Variants in KLHL14 observed in about 807,000 individuals in gnomAD.
KLHL14 encodes kelch-like protein 14.
A neutral mutation model predicts 64.3 loss-of-function variants in KLHL14; 22 were observed. The ratio of observed to expected loss-of-function variants is 0.34; its 90% CI spans 0.24 to 0.49. The LOEUF is 0.49. Ranked by LOEUF, KLHL14 falls within the 20% of genes least tolerant of loss-of-function variation. The probability of loss-of-function intolerance (pLI) is 0.99; values close to 1 mark genes in which losing one functional copy is unlikely to be tolerated. For synonymous variants in KLHL14, 322 were observed against 333.4 expected (o/e 0.97, Z 0.37); for missense variants, 661 against 789.0 (o/e 0.84, Z 1.94).
At chr18:32,765,128 T>C (rs1229811843) in intron 2 of KLHL14, among the ~76,000 whole-genome samples, 1 of 152,186 alleles carries the variant, frequency 6.6e-6, no homozygotes, top group Non-Finnish European at 1.5e-5. Context: ...TTTATCTATA[T>C]GAGGCTAATG....
intron 4 of KLHL14, among the ~76,000 whole-genome samples, chr18:32,691,483 G>T (rs1568065877): frequency 1.3e-5 from 2 of 152,128 alleles, no homozygotes; most frequent in Non-Finnish European, 2.9e-5. Flanking sequence ...GTTCAAGGCA[G>T]CAGTAAGCTA....
chr18:32,756,987 A>G (rs78131974), intron 2 of KLHL14, among the ~76,000 whole-genome samples: 1,905 of 152,338 alleles, frequency 0.013, 48 homozygotes, highest in African/African-American at 0.044. Flanking sequence ...CCTGAAATAT[A>G]AAGAAACCCA....
intron 2 of KLHL14, among the ~76,000 whole-genome samples, chr18:32,757,400 T>C (rs2050287543): frequency 6.6e-6 from 1 of 152,218 alleles, no homozygotes; most frequent in African/African-American, 2.4e-5. Flanking sequence ...TGGTGATATG[T>C]GTGGTGAAGC....
chr18:32,712,244 T>C (rs1482853081), intron 3 of KLHL14, among the ~76,000 whole-genome samples: 1 of 152,232 alleles, frequency 6.6e-6, no homozygotes, highest in African/African-American at 2.4e-5. Context: ...AATGACTATT[T>C]CACATTTGTT....
At chr18:32,675,029 A>C (rs1342327628) in intron 8 of KLHL14, among the ~76,000 whole-genome samples, 1 of 152,148 alleles carries the variant, frequency 6.6e-6, no homozygotes, top group Non-Finnish European at 1.5e-5. Context: ...ATAAAAGTTA[A>C]ATAAATACCT....
chr18:32,695,364 A>G lies in KLHL14; in HGVS notation c.1159+99T>C, dbSNP rs2049931515. Reference sequence around the variant, plus strand: ...ACTTCATTTGTCCCCGTTGCACAGAAATGTATTTTCCACACTAATTACAAA... The same window carrying G: ...ACTTCATTTGTCCCCGTTGCACAGAGATGTATTTTCCACACTAATTACAAA... On this transcript the variant is annotated intron_variant, in intron 4 of 8. Coordinates refer to ENST00000359358, the MANE Select transcript of KLHL14 (RefSeq NM_020805.3). 3.9e-6 allele frequency: 3 copies of G among 765,988 alleles called. No individual in the cohort carries two copies. The Admixed American group carries it at 6.1e-5, about 16-fold the overall frequency. The allele number at this position is 765,988 out of a possible 1,614,324, so 47.4% of individuals were successfully genotyped here.
At position 32,772,930 on chromosome 18, in the gene KLHL14, GA is replaced by G. The variant is rs1424087060; in HGVS notation, c.-308del. 1 of 165,496 alleles carries G rather than the reference GA, an allele frequency of 6.0e-6. No homozygotes were observed. The highest frequency in any genetic ancestry group is 2.4e-5 in the African/African-American group (1 of 41,874). 10.3% of individuals were successfully genotyped at this position (165,496 alleles called of 1,614,324 possible). On this transcript the variant is annotated 5_prime_UTR_variant, in exon 1 of 9. Coordinates refer to ENST00000359358, the MANE Select transcript of KLHL14 (RefSeq NM_020805.3). ...GGGAGCAGAGCTTTCTGCAAGAGAA[GA>G]AGAAGAAAAAATGTACGTGTGACAA...
chr18:32,676,125 A>G (rs1286941373), intron 8 of KLHL14, among the ~76,000 whole-genome samples: 1 of 152,214 alleles, frequency 6.6e-6, no homozygotes, highest in Non-Finnish European at 1.5e-5. Flanking sequence ...CTAAGAAAGA[A>G]AAAAGAAGTT....
chr18:32,716,383 A>G (rs963007423), intron 3 of KLHL14, among the ~76,000 whole-genome samples: 1 of 151,984 alleles, frequency 6.6e-6, no homozygotes, highest in Non-Finnish European at 1.5e-5. Context: ...ATGAAAGTTA[A>G]AATTATTATA....
chr18:32,715,503 C>T (rs761147063), intron 3 of KLHL14, among the ~76,000 whole-genome samples: 10 of 139,582 alleles, frequency 7.2e-5, no homozygotes, highest in African/African-American at 1.4e-4. Flanking sequence ...TATTTACCGA[C>T]GGATGATTTT....
intron 5 of KLHL14, among the ~76,000 whole-genome samples, chr18:32,684,401 T>G (rs1343318801): frequency 6.6e-6 from 1 of 152,154 alleles, no homozygotes; most frequent in Non-Finnish European, 1.5e-5. Flanking sequence ...TAGGCTATCC[T>G]GGGACTCAAT....
chr18:32,761,507 C>T lies in KLHL14; in HGVS notation c.947+8138G>A, dbSNP rs375675226. Among the ~76,000 whole-genome samples the T allele has an allele frequency of 1.1e-4, 17 of 150,730 alleles. No homozygotes were observed. In the South Asian group the frequency reaches 3.3e-3, roughly 30 times the overall value. ...TCTCCAATTGCATATTTTGCCTTCT[C>T]CCCAGGCCTATTACTTAGAATGGCT... On this transcript the variant is annotated intron_variant, in intron 2 of 8. Transcript: ENST00000359358.
chr18:32,680,644 A>G lies in KLHL14; in HGVS notation c.1239-45T>C, dbSNP rs1436884225. 3 of 1,532,054 alleles carry G rather than the reference A, an allele frequency of 2.0e-6. No homozygotes were observed. The allele number at this position is 1,532,054 out of a possible 1,614,324, so 94.9% of individuals were successfully genotyped here. On this transcript the variant is annotated intron_variant, in intron 5 of 8. Coordinates refer to ENST00000359358, the MANE Select transcript of KLHL14 (RefSeq NM_020805.3). This position sits in a 1 kb window ranked among gnomAD's most constrained non-coding sequence, Gnocchi z 4.8. ...CAGTAAATCACAAGAGGAGCTGTGA[A>G]ATGTTACCTTTCGAAATAAGATAAG...
At chr18:32,746,320 G>C (rs1263113120) in intron 2 of KLHL14, among the ~76,000 whole-genome samples, 1 of 152,206 alleles carries the variant, frequency 6.6e-6, no homozygotes, top group Non-Finnish European at 1.5e-5. Context: ...GAATCTGAAG[G>C]TCTCCTTTGT....
In KLHL14 at chr18:32,770,941, C is replaced by A. The variant is rs1451254911; in HGVS notation, c.-43-307G>T. The A allele has an allele frequency of 2.2e-6, 1 of 456,056 alleles. No homozygotes were observed. The highest frequency in any genetic ancestry group is 2.8e-5 in the Admixed American group (1 of 35,820). 28.3% of individuals were successfully genotyped at this position (456,056 alleles called of 1,614,324 possible). A position where few individuals can be genotyped will look rare whatever the true frequency, so the allele number is the denominator to read the frequency against. On this transcript the variant is annotated intron_variant, in intron 1 of 8. Coordinates refer to ENST00000359358, the MANE Select transcript of KLHL14 (RefSeq NM_020805.3). The surrounding 1 kb of genome is among the most constrained non-coding windows in gnomAD (Gnocchi z 6.7). The stretch of plus-strand genomic sequence containing the variant: ...TTTCCTAAAACCAACCACCTCAGCT[C>A]GGCTGTTGGCAGCAACAGCAGTGGC...
At chr18:32,717,759 C>T (rs1252093016) in intron 3 of KLHL14, among the ~76,000 whole-genome samples, 1 of 152,158 alleles carries the variant, frequency 6.6e-6, no homozygotes, top group East Asian at 1.9e-4. Context: ...TTAATTCTTC[C>T]TTCCTTCATC....
intron 3 of KLHL14, among the ~76,000 whole-genome samples, chr18:32,702,617 CT>C (rs1181868157): frequency 6.3e-4 from 95 of 151,922 alleles, no homozygotes; most frequent in African/African-American, 2.1e-3. Flanking sequence ...AGCTCTGCTA[CT>C]TTTTTTCTGT....
chr18:32,693,413 CAG>C (rs56135629), intron 4 of KLHL14, among the ~76,000 whole-genome samples: 2,389 of 96,758 alleles, frequency 0.025, 35 homozygotes, highest in Non-Finnish European at 0.03. Context: ...CACACACACA[CAG>C]AGAGAGAGAG....
intron 8 of KLHL14, among the ~76,000 whole-genome samples, chr18:32,676,080 TTTGAACTA>T (rs1475487102): frequency 1.3e-5 from 2 of 152,154 alleles, no homozygotes; most frequent in African/African-American, 4.8e-5. Context: ...TGTACTGTAA[TTTGAACTA>T]CAAAGCCACC....
Sources: gnomAD v4.1 joint callset for allele counts (sites outside exome capture counted in the v4.1 genomes callset) on GRCh38, gnomAD v4.1.1 for gene constraint, Gnocchi (gnomAD v3.1) non-coding constraint, MANE v1.5 for transcripts, NCBI Gene and HGNC (gene_info 2026-07-23, HGNC 2026-07-21) for gene names.